PGBD2: variants seen among roughly 807,000 people sequenced by gnomAD.
PGBD2 encodes piggyBac transposable element derived 2, also known as piggyBac transposable element-derived protein 2.
PGBD2 carries 6 observed loss-of-function variants against 8.1 expected under a neutral mutation model. The ratio of observed to expected loss-of-function variants is 0.74; its 90% CI spans 0.40 to 1.46. The LOEUF (loss-of-function observed/expected upper bound fraction) is 1.46. Ranked by LOEUF, PGBD2 falls within the 40% of genes most tolerant of loss-of-function variation. PGBD2 has a pLI of 0.02. For synonymous variants in PGBD2, 318 were observed against 272.2 expected (o/e 1.17, Z -1.66); for missense variants, 802 against 739.0 (o/e 1.09, Z -0.99).
chr1:248,882,028 C>G, the PGBD2 span, among the ~76,000 whole-genome samples: 1 of 152,192 alleles, frequency 6.6e-6, no homozygotes, highest in African/African-American at 2.4e-5. Context: ...TTATTTACCT[C>G]TGAGTCCTTC....
At chr1:248,915,544 G>A (rs1459431707) in intron 2 of PGBD2, among the ~76,000 whole-genome samples, 1 of 152,230 alleles carries the variant, frequency 6.6e-6, no homozygotes, top group Non-Finnish European at 1.5e-5. Context: ...TAGGTTAGGT[G>A]TATTAAATGC....
the PGBD2 span, among the ~76,000 whole-genome samples, chr1:248,876,211 T>C: frequency 6.6e-6 from 1 of 152,162 alleles, no homozygotes; most frequent in Non-Finnish European, 1.5e-5. Context: ...TTTCTCCACA[T>C]TGGCCAGGCT....
the PGBD2 span, among the ~76,000 whole-genome samples, chr1:248,892,758 G>A: frequency 6.6e-6 from 1 of 152,186 alleles, no homozygotes; most frequent in Non-Finnish European, 1.5e-5. Context: ...GACAGTCTAT[G>A]TGAACAATAT....
At chr1:248,887,982 C>T in the PGBD2 span, among the ~76,000 whole-genome samples, 3 of 152,106 alleles carry the variant, frequency 2.0e-5, no homozygotes, top group African/African-American at 7.2e-5. Context: ...CAGAGTTTAG[C>T]CCCCACTACT....
chr1:248,909,248 C>A lies in PGBD2; in HGVS notation c.-48+2906C>A, dbSNP rs1661778130. On this transcript the variant is annotated intron_variant, in intron 1 of 2. Transcript: ENST00000329291. ...GGATGGAGGGCCTGGGGAGCACAGT[C>A]TACAGACTCCTGAAAGGTAGAATGG... Among the ~76,000 whole-genome samples, 3 of 152,130 alleles carry A rather than the reference C, an allele frequency of 2.0e-5. No homozygotes were observed. The South Asian group carries it at 6.2e-4, about 31-fold the overall frequency.
At chr1:248,926,591 C>T in the PGBD2 span, among the ~76,000 whole-genome samples, 1 of 152,154 alleles carries the variant, frequency 6.6e-6, no homozygotes. Context: ...TACCAGGTTC[C>T]AGAAAGCTAA....
At chr1:248,924,622 CA>C (rs1214918275), downstream of PGBD2, among the ~76,000 whole-genome samples, 1 of 152,154 alleles carries the variant, frequency 6.6e-6, no homozygotes, top group Admixed American at 6.5e-5. Context: ...TGCATGTGTC[CA>C]GATGCATAGG....
the PGBD2 span, among the ~76,000 whole-genome samples, chr1:248,889,293 G>A: frequency 1.3e-5 from 2 of 152,104 alleles, no homozygotes; most frequent in Non-Finnish European, 2.9e-5. Flanking sequence ...GCTGAGGCAG[G>A]AGAATCGCTT....
chr1:248,885,108 C>T, the PGBD2 span, among the ~76,000 whole-genome samples: 1 of 152,210 alleles, frequency 6.6e-6, no homozygotes, highest in African/African-American at 2.4e-5. Flanking sequence ...GGGGTCTCTT[C>T]TGTCATTGGA....
chr1:248,881,478 C>A, the PGBD2 span, among the ~76,000 whole-genome samples: 1 of 152,272 alleles, frequency 6.6e-6, no homozygotes, highest in South Asian at 2.1e-4. Flanking sequence ...TGTTTACCTT[C>A]CCATGTAAAG....
the PGBD2 span, among the ~76,000 whole-genome samples, chr1:248,927,844 A>C: frequency 6.6e-6 from 1 of 152,198 alleles, no homozygotes; most frequent in African/African-American, 2.4e-5. Context: ...AGGCAGGTAG[A>C]TAGATAGATG....
upstream of PGBD2, among the ~76,000 whole-genome samples, chr1:248,902,268 C>CAA (rs1331327616): frequency 1.0e-4 from 10 of 100,274 alleles, no homozygotes; most frequent in African/African-American, 1.8e-4. Context: ...GACTCCATCT[C>CAA]AAAAAAAAAA....
the PGBD2 span, among the ~76,000 whole-genome samples, chr1:248,885,495 G>T: frequency 6.6e-6 from 1 of 151,868 alleles, no homozygotes; most frequent in Non-Finnish European, 1.5e-5. Context: ...AATTAATATA[G>T]TACCCAACAG....
the PGBD2 span, among the ~76,000 whole-genome samples, chr1:248,928,072 T>C: frequency 6.6e-6 from 1 of 152,146 alleles, no homozygotes; most frequent in Non-Finnish European, 1.5e-5. Flanking sequence ...TTTTTGTGGG[T>C]TTTTGTTGTT....
At chr1:248,896,871 C>G in the PGBD2 span, among the ~76,000 whole-genome samples, 5 of 152,288 alleles carry the variant, frequency 3.3e-5, no homozygotes, top group African/African-American at 7.2e-5. Context: ...CCAGGGAGGC[C>G]GTGAGGGATT....
At chr1:248,920,036 CCGG>C (rs1662252526), downstream of PGBD2, 1 of 152,070 alleles carries the variant, frequency 6.6e-6, no homozygotes, top group Admixed American at 6.6e-5. Context: ...ACCACCACAC[CCGG>C]CTAATTTTTC....
At chr1:248,907,035 G>C (rs528320194) in intron 1 of PGBD2, among the ~76,000 whole-genome samples, 77 of 152,194 alleles carry the variant, frequency 5.1e-4, no homozygotes, top group Non-Finnish European at 1.8e-4. Context: ...CCAGGGGACC[G>C]GCACTCAGCA....
the PGBD2 span, among the ~76,000 whole-genome samples, chr1:248,927,400 T>TAA: frequency 6.6e-6 from 1 of 152,152 alleles, no homozygotes; most frequent in Non-Finnish European, 1.5e-5. Flanking sequence ...TCGATTGTGG[T>TAA]AGAGTTGTGA....
At chr1:248,923,460 G>A (rs1354902069), downstream of PGBD2, among the ~76,000 whole-genome samples, 2 of 151,980 alleles carry the variant, frequency 1.3e-5, no homozygotes, top group Non-Finnish European at 1.5e-5. Context: ...ATCACCTTGA[G>A]TTCTGCTCTG....
Sources: gnomAD v4.1 joint callset for allele counts (sites outside exome capture counted in the v4.1 genomes callset) on GRCh38, gnomAD v4.1.1 for gene constraint, MANE v1.5 for transcripts, NCBI Gene and HGNC (gene_info 2026-07-23, HGNC 2026-07-21) for gene names.